The following ZNF668 variants were observed in gnomAD, a reference collection of about 807,000 sequenced individuals.
The protein encoded by ZNF668 is zinc finger protein 668.
Under a neutral mutation model 40.3 loss-of-function variants are expected in ZNF668, and 10 were observed. That is an observed-to-expected ratio of 0.25 (90% CI 0.15 to 0.42). The LOEUF (loss-of-function observed/expected upper bound fraction) is 0.42. Ranked by LOEUF, ZNF668 falls within the 10% of genes least tolerant of loss-of-function variation. The probability of loss-of-function intolerance (pLI) is 1.00; values close to 1 mark genes in which losing one functional copy is unlikely to be tolerated. For missense variants in ZNF668, 749 were observed against 904.6 expected (o/e 0.83, Z 2.21); for synonymous variants, 428 against 384.6 (o/e 1.11, Z -1.32).
At chr16:31,071,344 T>A (rs1315629165) in intron 1 of ZNF668, among the ~76,000 whole-genome samples, 1 of 151,752 alleles carries the variant, frequency 6.6e-6, no homozygotes, top group Non-Finnish European at 1.5e-5. Flanking sequence ...CTTTTGTATT[T>A]TTAGTAGAGA....
chr16:31,062,188 G>A lies in ZNF668; in HGVS notation c.740C>T (p.Ala247Val), dbSNP rs1443881990. ...CGGGCAGCGGTAGGGCTTCTGTGCC[G>A]CGTGGATGCGCTGGTGGCACGTGAG... ...SSLTCHQRIH[A>V]AQKPYRCPAC... Residue 247 changes from alanine (A) to valine (V), a missense_variant, in exon 3 of 3, where the codon GCG becomes GTG. Coordinates refer to ENST00000300849, the MANE Select transcript of ZNF668 (RefSeq NM_024706.5). 1 of 1,613,716 alleles carries A rather than the reference G, an allele frequency of 6.2e-7. No homozygotes were observed. The highest frequency in any genetic ancestry group is 1.1e-5 in the South Asian group (1 of 91,046).
chr16:31,070,659 G>A (rs1264827708), intron 1 of ZNF668, among the ~76,000 whole-genome samples: 2 of 151,780 alleles, frequency 1.3e-5, no homozygotes, highest in Admixed American at 6.6e-5. Context: ...TCCTGCCTCA[G>A]CCTCCCGAGT....
In ZNF668 at chr16:31,066,951, C is replaced by T. The variant is rs148122958; in HGVS notation, c.-22-2470G>A. 1.9e-4 allele frequency among the ~76,000 whole-genome samples: 29 copies of T among 150,898 alleles called. No individual in the cohort carries two copies. The East Asian group carries it at 5.3e-3, about 28-fold the overall frequency. ...ACACTAGCACTTTGGGAGACCAAGG[C>T]GGGTGGATCGCTTGAGCCCAGGAGT... is the stretch of plus-strand genomic sequence containing the variant. On this transcript the variant is annotated intron_variant, in intron 1 of 2. Coordinates refer to ENST00000300849, the MANE Select transcript of ZNF668 (RefSeq NM_024706.5).
chr16:31,067,306 A>T (rs183650994), intron 1 of ZNF668, among the ~76,000 whole-genome samples: 1 of 152,294 alleles, frequency 6.6e-6, no homozygotes, highest in Non-Finnish European at 1.5e-5. Flanking sequence ...TAAACTCCTT[A>T]TGTGTATTAG....
At position 31,064,406 on chromosome 16, in the gene ZNF668, C is replaced by T. The variant is rs1240721550; in HGVS notation, c.54G>A (p.Ser18=). The change falls in exon 2 of 3, where the codon TCG becomes TCA. Residue 18 remains serine (S), a synonymous_variant. Coordinates refer to ENST00000300849, the MANE Select transcript of ZNF668 (RefSeq NM_024706.5). ...ARSPAPGYKR[S]GRRYKCLSCT... is the part of the protein sequence containing the mutation. ...AGGACAGGCACTTGTAGCGGCGGCC[C>T]GAGCGCTTGTAGCCGGGGGCTGGGG... is the stretch of plus-strand genomic sequence containing the variant. 1.2e-6 allele frequency: 2 copies of T among 1,613,362 alleles called. No individual in the cohort carries two copies. Among genetic ancestry groups the T allele is most frequent in the Non-Finnish European group, 8.5e-7 (1 of 1,179,984 alleles).
chr16:31,063,860 A>G lies in ZNF668; in HGVS notation c.600T>C (p.Arg200=). 6.3e-7 allele frequency: 1 copy of G among 1,591,882 alleles called. No homozygotes were observed. Among genetic ancestry groups the G allele is most frequent in the Non-Finnish European group, 8.6e-7 (1 of 1,167,966 alleles). Residue 200 remains arginine (R), a synonymous_variant, in exon 2 of 3, where the codon CGT becomes CGC. Transcript: ENST00000300849. The part of the protein sequence containing the change: ...HAGLRPYSCE[R]CGKAYAELKD... Reference sequence around the variant, plus strand: ...TGAGCTCCGCATAGGCTTTGCCGCAACGCTCACAGCTGTAGGGCCGCAGGC... The same window carrying G: ...TGAGCTCCGCATAGGCTTTGCCGCAGCGCTCACAGCTGTAGGGCCGCAGGC...
intron 1 of ZNF668, among the ~76,000 whole-genome samples, chr16:31,066,647 G>C (rs2056983337): frequency 6.6e-6 from 1 of 152,184 alleles, no homozygotes; most frequent in African/African-American, 2.4e-5. Context: ...TTGAGCCCAG[G>C]AGTTCAAGGC....
Position 31,063,874 on chromosome 16 carries a change from A to G in ZNF668, c.586T>C (p.Tyr196His), listed in dbSNP as rs754387587. Residue 196 changes from tyrosine to histidine, a missense_variant, in exon 2 of 3, where the codon TAC becomes CAC. Physicochemically the swap from Tyr to His is moderately conservative, Grantham distance 83 (BLOSUM62 2). Around this residue, in one of 4 missense-constraint regions of ZNF668, gnomAD observed 151 missense variants for 178.6 expected, o/e 0.85. Transcript: ENST00000300849. ...HRRTHAGLRP[Y>H]SCERCGKAYA... ...GCTTTGCCGCAACGCTCACAGCTGT[A>G]GGGCCGCAGGCCAGCGTGAGTACGC... The G allele has an allele frequency of 1.9e-6, 3 of 1,595,214 alleles. No homozygotes were observed. The South Asian group carries it at 3.4e-5, about 18-fold the overall frequency.
chr16:31,066,127 T>C, intron 1 of ZNF668: 1 of 985,464 alleles, frequency 1.0e-6, no homozygotes, highest in Non-Finnish European at 1.2e-6. Context: ...GCCTCAGGCC[T>C]GCACGCTGCC....
Position 31,064,291 on chromosome 16 carries a change from T to G in ZNF668, c.169A>C (p.Lys57Gln). ...TTAGCTTCTGTCTCTGGCTTTGGCT[T>G]CACCTCGGCCACCTCTTCAGAGCAG... Reference protein sequence around the residue: ...ADCSEEVAEVKPKPETEAKAE... With the variant: ...ADCSEEVAEVQPKPETEAKAE... Residue 57 changes from lysine to glutamine, a missense_variant, in exon 2 of 3, where the codon AAG (lysine) becomes CAG (glutamine). By Grantham distance (53) the Lys-to-Gln change is moderately conservative. Coordinates refer to ENST00000300849, the MANE Select transcript of ZNF668 (RefSeq NM_024706.5). 6.2e-7 allele frequency: 1 copy of G among 1,613,838 alleles called. No individual in the cohort carries two copies. Among genetic ancestry groups the G allele is most frequent in the South Asian group, 1.1e-5 (1 of 91,080 alleles).
chr16:31,061,641 C>G lies in ZNF668; in HGVS notation c.1287G>C (p.Val429=). The G allele has an allele frequency of 6.2e-7, 1 of 1,612,452 alleles. No homozygotes were observed. The highest frequency in any genetic ancestry group is 8.5e-7 in the Non-Finnish European group (1 of 1,179,900). ...CGCCCACAGGCAGCGCCAACCCCAC[C>G]ACCAGCTCCTGTGCAGGGGGCACAC... The part of the protein sequence containing the change: ...AAGVPPAQEL[V]VGLALPVGVA... Residue 429 remains valine, a synonymous_variant, in exon 3 of 3, where the codon GTG becomes GTC. Coordinates refer to ENST00000300849, the MANE Select transcript of ZNF668 (RefSeq NM_024706.5). The surrounding 1 kb of genome is among the most constrained non-coding windows in gnomAD (Gnocchi z 7.7).
chr16:31,062,763 C>CAAAAAAAAAAAAAAAAAAAAA (rs58786460), intron 2 of ZNF668: 1 of 63,070 alleles, frequency 1.6e-5, no homozygotes. Flanking sequence ...GACTCCGTCT[C>CAAAAAAAAAAAAAAAAAAAAA]AAAAAAAAAA....
At chr16:31,069,568 A>C (rs1023823353) in intron 1 of ZNF668, among the ~76,000 whole-genome samples, 1 of 145,266 alleles carries the variant, frequency 6.9e-6, no homozygotes, top group Non-Finnish European at 1.6e-5. Flanking sequence ...AATATTCCAA[A>C]TTTTTTCCTT....
Position 31,061,384 on chromosome 16 carries a change from TG to T in ZNF668, c.1543del (p.Gln515SerfsTer14), listed in dbSNP as rs760397907. The T allele has an allele frequency of 3.1e-6, 5 of 1,613,542 alleles. No individual in the cohort carries two copies. Among genetic ancestry groups the T allele is most frequent in the Non-Finnish European group, 2.5e-6 (3 of 1,179,802 alleles). ...GGEEADEKPP[Q>X]FVCRECKETF... is the part of the protein sequence containing the mutation. Reference sequence around the variant, plus strand: ...CTCCTTGCACTCTCGGCACACAAACTGGGGGGGCTTCTCGTCAGCCTCCTCA... The same window carrying T: ...CTCCTTGCACTCTCGGCACACAAACTGGGGGGCTTCTCGTCAGCCTCCTCA... On this transcript the variant is annotated frameshift_variant, in exon 3 of 3. Transcript: ENST00000300849. LOFTEE classifies it high-confidence loss of function. This position sits in a 1 kb window ranked among gnomAD's most constrained non-coding sequence, Gnocchi z 7.7.
chr16:31,070,164 C>T (rs988518698), intron 1 of ZNF668, among the ~76,000 whole-genome samples: 5 of 147,638 alleles, frequency 3.4e-5, no homozygotes, highest in East Asian at 2.1e-4. Context: ...GTGATCCGCC[C>T]GCCTCGGCCT....
Position 31,068,210 on chromosome 16 carries a change from A to G in ZNF668, c.-22-3729T>C, listed in dbSNP as rs1258423858. Among the ~76,000 whole-genome samples, 3 of 108,986 alleles carry G rather than the reference A, an allele frequency of 2.8e-5. No homozygotes were observed. The East Asian group carries it at 1.1e-3, about 39-fold the overall frequency. The allele number at this position is 108,986 out of a possible 152,430, so 71.5% of individuals were successfully genotyped here. A position where few individuals can be genotyped will look rare whatever the true frequency, so the allele number is the denominator to read the frequency against. On this transcript the variant is annotated intron_variant, in intron 1 of 2. Transcript: ENST00000300849. The stretch of plus-strand genomic sequence containing the variant: ...CAGGTAGGCTAGGTCTCTGTCTAAC[A>G]TCCCACCATTAAAAAAAAAAAAAAA...
intron 1 of ZNF668, among the ~76,000 whole-genome samples, chr16:31,065,870 A>T (rs1284069155): frequency 6.6e-6 from 1 of 151,984 alleles, no homozygotes. Flanking sequence ...AAAAAAATAA[A>T]AAGACTATTT....
At position 31,064,385 on chromosome 16, in the gene ZNF668, C is replaced by G; in HGVS notation, c.75G>C (p.Leu25=). ...CGTTTGGAAATGTCTTGGTACAGGA[C>G]AGGCACTTGTAGCGGCGGCCCGAGC... ...YKRSGRRYKC[L]SCTKTFPNAP... The change falls in exon 2 of 3, where the codon CTG becomes CTC. Residue 25 remains leucine (L), a synonymous_variant. Transcript: ENST00000300849. The G allele has an allele frequency of 1.2e-6, 2 of 1,613,946 alleles. No homozygotes were observed. The highest frequency in any genetic ancestry group is 1.3e-5 in the African/African-American group (1 of 75,068).
rs1377455940 is a variant in ZNF668 at position 31,069,522 on chromosome 16, CT to C, written c.-23+4136del. Among the ~76,000 whole-genome samples, 5 of 152,178 alleles carry C rather than the reference CT, an allele frequency of 3.3e-5. No individual in the cohort carries two copies. In the East Asian group the frequency reaches 9.6e-4, roughly 29 times the overall value. On this transcript the variant is annotated intron_variant, in intron 1 of 2. Transcript: ENST00000300849. ...CTCCCAGTCACCTCCTCAAAAAGAG[CT>C]TTCTTGACCACCTTTCCTTTTCTTC...
Sources: gnomAD v4.1 joint callset for allele counts (sites outside exome capture counted in the v4.1 genomes callset) on GRCh38, gnomAD v4.1.1 for gene constraint, gnomAD v4.1.1 regional missense constraint, Gnocchi (gnomAD v3.1) non-coding constraint, MANE v1.5 for transcripts, NCBI Gene and HGNC (gene_info 2026-07-23, HGNC 2026-07-21) for gene names.